Variants in TRPV4 observed in about 807,000 individuals in gnomAD.
TRPV4 encodes the protein OSM9-like transient receptor potential channel 4.
TRPV4 carries 58 observed loss-of-function variants against 84.1 expected under a neutral mutation model. The ratio of observed to expected loss-of-function variants is 0.69; its 90% CI spans 0.56 to 0.86. The LOEUF is 0.86. Ranked by LOEUF, TRPV4 falls within the 40% of genes least tolerant of loss-of-function variation. The pLI, the probability that TRPV4 is intolerant of heterozygous loss-of-function variation, is 0.00. For synonymous variants in TRPV4, 489 were observed against 500.9 expected, an observed-to-expected ratio of 0.98 and a Z score of 0.32; for missense variants, 879 against 1,181.1, an observed-to-expected ratio of 0.74 and a Z score of 3.75.
chr12:109,788,887 G>A (rs1889867310), intron 12 of TRPV4, among the ~76,000 whole-genome samples, 171 bp from the exon 13 acceptor site: 1 of 152,202 alleles, frequency 6.6e-6, no homozygotes, highest in Non-Finnish European at 1.5e-5. Context: ...CCAGACCCAG[G>A]TCCTCCTGAT....
intron 1 of TRPV4, among the ~76,000 whole-genome samples, chr12:109,827,887 GAC>G (rs1490953429): frequency 6.6e-6 from 1 of 150,548 alleles, no homozygotes; most frequent in Non-Finnish European, 1.5e-5. Flanking sequence ...TACACACACA[GAC>G]ACACATACGC....
At chr12:109,803,208 G>A (rs1322350371) in intron 3 of TRPV4, 65 bp from the exon 4 acceptor site, 62 of 1,588,774 alleles carry the variant, frequency 3.9e-5, no homozygotes, top group Admixed American at 6.8e-5. Context: ...TCCAGGCATC[G>A]GGGTACAGAA....
chr12:109,814,324 G>A lies in TRPV4; in HGVS notation c.386+87C>T, dbSNP rs904735278. On this transcript the variant is annotated intron_variant, in intron 2 of 15. Transcript: ENST00000261740. This position sits in a 1 kb window ranked among gnomAD's most constrained non-coding sequence, Gnocchi z 5.4. ...GGATGGATGGATGAATCGACGGATGGGTGGATAATAGATAGAGGGGTGGAT... is the reference window on the plus strand; with the variant it reads ...GGATGGATGGATGAATCGACGGATGAGTGGATAATAGATAGAGGGGTGGAT... The A allele has an allele frequency of 4.2e-5, 61 of 1,459,308 alleles. No individual in the cohort carries two copies. The highest frequency in any genetic ancestry group is 5.2e-5 in the Non-Finnish European group (55 of 1,061,640). The allele number at this position is 1,459,308 out of a possible 1,614,324, so 90.4% of individuals were successfully genotyped here. A position where few individuals can be genotyped will look rare whatever the true frequency, so the allele number is the denominator to read the frequency against.
intron 1 of TRPV4, among the ~76,000 whole-genome samples, chr12:109,828,624 C>A (rs142440423): frequency 6.6e-6 from 1 of 152,216 alleles, no homozygotes; most frequent in African/African-American, 2.4e-5. Flanking sequence ...CAGCAACTGG[C>A]GGAGCTGGGA....
chr12:109,792,670 A>G lies in TRPV4; in HGVS notation c.1806T>C (p.Tyr602=). The G allele has an allele frequency of 1.9e-6, 3 of 1,614,030 alleles. No homozygotes were observed. Among genetic ancestry groups the G allele is most frequent in the East Asian group, 4.5e-5 (2 of 44,892 alleles). Residue 602 remains tyrosine (Y), a synonymous_variant, in exon 11 of 16, where the codon TAT becomes TAC. Transcript: ENST00000261740. ...CCCGTACCTTCTGGATCATGATGCT[A>G]TAGGTCCCCGTCAGCTTCAGCCCAC... ...FTRGLKLTGT[Y]SIMIQKILFK... is the part of the protein sequence containing the mutation.
At chr12:109,816,951 T>C (rs1891878539) in intron 1 of TRPV4, among the ~76,000 whole-genome samples, 3 of 152,186 alleles carry the variant, frequency 2.0e-5, no homozygotes, top group Non-Finnish European at 2.9e-5. Flanking sequence ...CGTTTGACCA[T>C]GGGCAAATCA....
chr12:109,788,555 T>C lies in TRPV4; in HGVS notation c.2053A>G (p.Met685Val). The C allele has an allele frequency of 6.2e-7, 1 of 1,614,162 alleles. No homozygotes were observed. The highest frequency in any genetic ancestry group is 2.2e-5 in the East Asian group (1 of 44,878). Residue 685 changes from methionine to valine, a missense_variant, in exon 13 of 16, where the codon ATG becomes GTG. This residue lies in a region of TRPV4 where 242 missense variants were observed against 355.3 expected (regional missense o/e 0.68). Coordinates refer to ENST00000261740, the MANE Select transcript of TRPV4 (RefSeq NM_021625.5). ...KLTIGMGDLEMLSSTKYPVVF... is the reference protein window; with the variant it reads ...KLTIGMGDLEVLSSTKYPVVF... ...ACGGGGTACTTGGTGCTGCTCAGCA[T>C]CTCCAGGTCGCCCATGCCGATGGTC...
At chr12:109,784,752 G>A (rs1455155536) in intron 14 of TRPV4, among the ~76,000 whole-genome samples, 7 of 144,382 alleles carry the variant, frequency 4.8e-5, no homozygotes, top group Non-Finnish European at 8.9e-5. Flanking sequence ...GCTGAGGCAG[G>A]AAAATCACTT....
chr12:109,826,091 A>G (rs1228408711), intron 1 of TRPV4, among the ~76,000 whole-genome samples: 2 of 152,212 alleles, frequency 1.3e-5, no homozygotes, highest in Admixed American at 1.3e-4. Context: ...TGGCACAATC[A>G]TAGCTCACTG....
At position 109,793,443 on chromosome 12, in the gene TRPV4, A is replaced by T; in HGVS notation, c.1658+84T>A. On this transcript the variant is annotated intron_variant, in intron 10 of 15. Coordinates refer to ENST00000261740, the MANE Select transcript of TRPV4 (RefSeq NM_021625.5). This position sits in a 1 kb window ranked among gnomAD's most constrained non-coding sequence, Gnocchi z 4.0. ...GGGTGCATTCATTTCTAACAGAATCACCTCTCTCCTGAATCTGGACGACCT... is the reference window on the plus strand; with the variant it reads ...GGGTGCATTCATTTCTAACAGAATCTCCTCTCTCCTGAATCTGGACGACCT... The T allele has an allele frequency of 8.4e-7, 1 of 1,191,186 alleles. No individual in the cohort carries two copies. The highest frequency in any genetic ancestry group is 1.3e-6 in the Non-Finnish European group (1 of 796,844). The allele number at this position is 1,191,186 out of a possible 1,614,324, so 73.8% of individuals were successfully genotyped here. A position where few individuals can be genotyped will look rare whatever the true frequency, so the allele number is the denominator to read the frequency against.
At chr12:109,822,312 G>A (rs1299360336) in intron 1 of TRPV4, among the ~76,000 whole-genome samples, 1 of 152,068 alleles carries the variant, frequency 6.6e-6, no homozygotes, top group African/African-American at 2.4e-5. Flanking sequence ...CTCCACCCTG[G>A]GGCTCCTTAG....
chr12:109,788,573 C>T lies in TRPV4; in HGVS notation c.2035G>A (p.Gly679Ser), dbSNP rs1413159026. The change falls in exon 13 of 16, where the codon GGC becomes AGC. Residue 679 changes from glycine to serine, a missense_variant. This residue lies in a region of TRPV4 where 242 missense variants were observed against 355.3 expected (regional missense o/e 0.68). Transcript: ENST00000261740. The part of the protein sequence containing the change: ...FLLDLFKLTI[G>S]MGDLEMLSST... The stretch of plus-strand genomic sequence containing the variant: ...CTCAGCATCTCCAGGTCGCCCATGC[C>T]GATGGTCAGCTTAAACAGGTCCAGG... The T allele has an allele frequency of 1.9e-6, 3 of 1,614,120 alleles. No homozygotes were observed. Among genetic ancestry groups the T allele is most frequent in the East Asian group, 2.2e-5 (1 of 44,900 alleles).
chr12:109,828,405 A>T (rs1892324918), intron 1 of TRPV4, among the ~76,000 whole-genome samples: 1 of 152,192 alleles, frequency 6.6e-6, no homozygotes, highest in African/African-American at 2.4e-5. Context: ...TCAGAGTCAC[A>T]TTGAAAGTGA....
At chr12:109,785,010 A>T (rs918049760) in intron 14 of TRPV4, among the ~76,000 whole-genome samples, 4 of 151,894 alleles carry the variant, frequency 2.6e-5, no homozygotes, top group African/African-American at 9.7e-5. Context: ...CATTCCCCCA[A>T]GCAGAAATTA....
intron 1 of TRPV4, among the ~76,000 whole-genome samples, chr12:109,823,619 C>G (rs1283964777): frequency 6.6e-6 from 1 of 152,136 alleles, no homozygotes; most frequent in Non-Finnish European, 1.5e-5. Flanking sequence ...TCCACAGAGA[C>G]AGAAAGCAGA....
intron 1 of TRPV4, among the ~76,000 whole-genome samples, chr12:109,817,596 G>C (rs1891915634): frequency 6.6e-6 from 1 of 152,170 alleles, no homozygotes; most frequent in African/African-American, 2.4e-5. Context: ...AACCTGTATG[G>C]CTGCTGTGTG....
chr12:109,792,076 CAA>C (rs527506694), intron 12 of TRPV4, among the ~76,000 whole-genome samples: 1 of 135,800 alleles, frequency 7.4e-6, no homozygotes. Context: ...ACTAAAAATA[CAA>C]AAAAAAAAAA....
At chr12:109,794,286 C>A in intron 8 of TRPV4, 43 bp downstream of exon 8, 3 of 1,606,288 alleles carry the variant, frequency 1.9e-6, no homozygotes, top group Non-Finnish European at 2.5e-6. Context: ...CATGGCTCAG[C>A]CCAGTGCCTG....
intron 1 of TRPV4, among the ~76,000 whole-genome samples, chr12:109,824,860 C>G (rs1196639709): frequency 1.3e-5 from 2 of 152,174 alleles, no homozygotes; most frequent in Non-Finnish European, 2.9e-5. Context: ...AGTCTGAGAA[C>G]GTTGCCTGAT....
Sources: allele counts gnomAD v4.1 joint callset (sites outside exome capture counted in the v4.1 genomes callset), GRCh38; gene constraint gnomAD v4.1.1; regional missense constraint gnomAD v4.1.1; non-coding constraint Gnocchi (gnomAD v3.1); transcripts MANE v1.5; gene names NCBI Gene and HGNC (gene_info 2026-07-23, HGNC 2026-07-21).